The following HDLBP variants were observed in gnomAD, a reference collection of about 807,000 sequenced individuals.
HDLBP encodes high density lipoprotein binding protein.
Under a neutral mutation model 137.3 loss-of-function variants are expected in HDLBP, and 30 were observed. The observed-to-expected ratio is 0.22, with a 90% CI of 0.16 to 0.30. HDLBP has a LOEUF of 0.30. Ranked by LOEUF, HDLBP falls within the 10% of genes least tolerant of loss-of-function variation. The pLI, the probability that HDLBP is intolerant of heterozygous loss-of-function variation, is 1.00. For synonymous variants in HDLBP, 606 were observed against 596.0 expected (o/e 1.02, Z -0.24); for missense variants, 1,119 against 1,667.3 (o/e 0.67, Z 5.73).
chr2:241,261,679 T>C (rs2073198514), intron 5 of HDLBP, among the ~76,000 whole-genome samples: 1 of 152,222 alleles, frequency 6.6e-6, no homozygotes, highest in Non-Finnish European at 1.5e-5. Flanking sequence ...GCTGGACAAT[T>C]ATAAGCAACA....
Position 241,272,672 on chromosome 2 carries a change from A to G in HDLBP, c.-102-4131T>C, listed in dbSNP as rs1467941827. On this transcript the variant is annotated intron_variant, in intron 1 of 27. Coordinates refer to ENST00000310931, the MANE Select transcript of HDLBP (RefSeq NM_005336.6). The surrounding 1 kb of genome is among the most constrained non-coding windows in gnomAD (Gnocchi z 5.6). ...CCTCCCCCTCCGCGGCCTCCACGTC[A>G]GCAGCCACCCCCCACCCCCCCGCCC... is the stretch of plus-strand genomic sequence containing the variant. 2 of 797,980 alleles carry G rather than the reference A, an allele frequency of 2.5e-6. No individual in the cohort carries two copies. The highest frequency in any genetic ancestry group is 2.9e-6 in the Non-Finnish European group (2 of 686,880). 49.4% of individuals were successfully genotyped at this position (797,980 alleles called of 1,614,324 possible). A position where few individuals can be genotyped will look rare whatever the true frequency, so the allele number is the denominator to read the frequency against.
intron 10 of HDLBP, 54 bp from the exon 11 acceptor site, chr2:241,253,089 C>G: frequency 7.4e-7 from 1 of 1,357,976 alleles, no homozygotes; most frequent in Non-Finnish European, 1.1e-6. Context: ...GGCCAATGAG[C>G]TGAACCAAAA....
chr2:241,257,500 G>A (rs2072744990), intron 5 of HDLBP, among the ~76,000 whole-genome samples: 1 of 152,078 alleles, frequency 6.6e-6, no homozygotes, highest in African/African-American at 2.4e-5. Flanking sequence ...CAAAGTGCTG[G>A]GATTGCAGGT....
At chr2:241,300,979 A>G (rs1336675941) in intron 1 of HDLBP, among the ~76,000 whole-genome samples, 1 of 146,414 alleles carries the variant, frequency 6.8e-6, no homozygotes, top group Non-Finnish European at 1.5e-5. Context: ...TATTATTATT[A>G]TTATTATTAT....
intron 21 of HDLBP, chr2:241,236,284 G>A (rs1163099832): frequency 1.2e-5 from 4 of 345,496 alleles, no homozygotes; most frequent in Non-Finnish European, 2.1e-5. Flanking sequence ...CACGCGGGGG[G>A]AGACGTTGCA....
In HDLBP at chr2:241,233,960, A is replaced by T; in HGVS notation, c.3148T>A (p.Leu1050Ile). The T allele has an allele frequency of 6.2e-7, 1 of 1,614,128 alleles. No individual in the cohort carries two copies. Residue 1050 changes from leucine (L) to isoleucine (I), a missense_variant, in exon 24 of 28, where the codon TTA becomes ATA. Coordinates refer to ENST00000310931, the MANE Select transcript of HDLBP (RefSeq NM_005336.6). This position sits in a 1 kb window ranked among gnomAD's most constrained non-coding sequence, Gnocchi z 4.3. ...ELQAEQEDRA[L>I]RSFKLSVTVD... is the part of the protein sequence containing the mutation. ...GTGACACTCAGCTTAAAACTCCTTA[A>T]AGCCTACAAATGAAAGGAGCAAGAA...
chr2:241,234,222 C>T (rs190037295), intron 23 of HDLBP, among the ~76,000 whole-genome samples: 114 of 152,356 alleles, frequency 7.5e-4, no homozygotes, highest in Non-Finnish European at 1.3e-3. Context: ...TTGCGAGGAT[C>T]GTGCTCAGGA....
intron 1 of HDLBP, among the ~76,000 whole-genome samples, chr2:241,295,561 T>C (rs149231975): frequency 8.9e-4 from 135 of 152,266 alleles, no homozygotes; most frequent in African/African-American, 3.2e-3. Context: ...AGATGTCTGT[T>C]CTATTCCAAG....
chr2:241,255,704 T>C (rs1177312192), intron 7 of HDLBP, 124 bp from the exon 8 acceptor site: 1 of 724,378 alleles, frequency 1.4e-6, no homozygotes, highest in East Asian at 2.6e-5. Flanking sequence ...TCCCAAGAAG[T>C]GAACAACAAG....
chr2:241,261,654 T>C (rs1163915464), intron 5 of HDLBP, among the ~76,000 whole-genome samples: 1 of 152,242 alleles, frequency 6.6e-6, no homozygotes, highest in Non-Finnish European at 1.5e-5. Context: ...GAGCCTATTA[T>C]GCACTGGCCA....
At chr2:241,234,259 G>A (rs1259170139) in intron 23 of HDLBP, among the ~76,000 whole-genome samples, 4 of 152,186 alleles carry the variant, frequency 2.6e-5, no homozygotes, top group Non-Finnish European at 4.4e-5. Flanking sequence ...AGTGAGTCAC[G>A]AGCTTGGGGC....
At chr2:241,262,321 T>A (rs1351797069) in intron 5 of HDLBP, among the ~76,000 whole-genome samples, 1 of 152,202 alleles carries the variant, frequency 6.6e-6, no homozygotes, top group Admixed American at 6.5e-5. Flanking sequence ...TGTGGTGGTG[T>A]GCCTGTAATC....
chr2:241,233,739 C>A lies in HDLBP; in HGVS notation c.3288+81G>T. On this transcript the variant is annotated intron_variant, in intron 24 of 27. Transcript: ENST00000310931. This position sits in a 1 kb window ranked among gnomAD's most constrained non-coding sequence, Gnocchi z 4.3. ...CTTGGCCCTCGAACCCCCATCTAGG[C>A]ACATCTGGTTACTGCTCCCAAGTCA... The A allele has an allele frequency of 6.6e-7, 1 of 1,526,658 alleles. No individual in the cohort carries two copies. The highest frequency in any genetic ancestry group is 9.0e-7 in the Non-Finnish European group (1 of 1,108,784). The allele number at this position is 1,526,658 out of a possible 1,614,324, so 94.6% of individuals were successfully genotyped here. A position where few individuals can be genotyped will look rare whatever the true frequency, so the allele number is the denominator to read the frequency against.
At chr2:241,312,072 T>C (rs1432293904) in intron 1 of HDLBP, among the ~76,000 whole-genome samples, 1 of 152,220 alleles carries the variant, frequency 6.6e-6, no homozygotes, top group African/African-American at 2.4e-5. Flanking sequence ...AGGGGAAGGA[T>C]GTTGGCACTT....
Position 241,272,574 on chromosome 2 carries a change from C to A in HDLBP, c.-102-4033G>T, listed in dbSNP as rs1337674854. ...CCCCAGGTCTGGCCCGGAACCGCCA[C>A]GCGCGGTAAGCAGGACACCCGCGGG... On this transcript the variant is annotated intron_variant, in intron 1 of 27. Coordinates refer to ENST00000310931, the MANE Select transcript of HDLBP (RefSeq NM_005336.6). The surrounding 1 kb of genome is among the most constrained non-coding windows in gnomAD (Gnocchi z 5.6). 5.1e-6 allele frequency: 5 copies of A among 984,280 alleles called. No homozygotes were observed. Among genetic ancestry groups the A allele is most frequent in the South Asian group, 4.7e-5 (1 of 21,276 alleles). The allele number at this position is 984,280 out of a possible 1,614,324, so 61.0% of individuals were successfully genotyped here.
At chr2:241,286,558 T>C (rs1271673965) in intron 1 of HDLBP, among the ~76,000 whole-genome samples, 1 of 152,178 alleles carries the variant, frequency 6.6e-6, no homozygotes, top group Non-Finnish European at 1.5e-5. Flanking sequence ...CGAACCAATG[T>C]TCGTCCTGTA....
At chr2:241,231,555 CG>C (rs567055585) in intron 24 of HDLBP, among the ~76,000 whole-genome samples, 171 of 152,260 alleles carry the variant, frequency 1.1e-3, no homozygotes, top group Non-Finnish European at 1.7e-3. Context: ...TCAAGGACAG[CG>C]GGGCAAAGAC....
intron 16 of HDLBP, 198 bp from the exon 17 acceptor site, chr2:241,242,876 G>C: frequency 1.7e-6 from 1 of 596,656 alleles, no homozygotes; most frequent in South Asian, 1.9e-5. Context: ...CCTGGGGAGA[G>C]TGGGGTGCGC....
intron 23 of HDLBP, among the ~76,000 whole-genome samples, chr2:241,234,714 C>G (rs769892302): frequency 2.6e-5 from 4 of 152,198 alleles, no homozygotes; most frequent in Non-Finnish European, 5.9e-5. Flanking sequence ...GGGGTTTCAT[C>G]CCTGCTTACC....
Sources: allele counts gnomAD v4.1 joint callset (sites outside exome capture counted in the v4.1 genomes callset), GRCh38; gene constraint gnomAD v4.1.1; non-coding constraint Gnocchi (gnomAD v3.1); transcripts MANE v1.5; gene names NCBI Gene and HGNC (gene_info 2026-07-23, HGNC 2026-07-21).